The following PALM2AKAP2 variants were observed in gnomAD, a reference collection of about 807,000 sequenced individuals.
PALM2AKAP2 encodes the protein PALM2 and AKAP2 fusion.
In PALM2AKAP2, 37 loss-of-function variants were observed where a neutral mutation model predicts 71.5. The observed-to-expected ratio is 0.52, with a 90% CI of 0.40 to 0.68. The LOEUF (loss-of-function observed/expected upper bound fraction) is 0.68. Ranked by LOEUF, PALM2AKAP2 falls within the 30% of genes least tolerant of loss-of-function variation. PALM2AKAP2 has a pLI of 0.00. For synonymous variants in PALM2AKAP2, 468 were observed against 478.8 expected, an observed-to-expected ratio of 0.98 and a Z score of 0.29; for missense variants, 1,224 against 1,191.8, an observed-to-expected ratio of 1.03 and a Z score of -0.40.
chr9:109,741,276 GTGT>G (rs1828712403), intron 1 of PALM2AKAP2, among the ~76,000 whole-genome samples: 1 of 152,268 alleles, frequency 6.6e-6, no homozygotes, highest in Admixed American at 6.5e-5. Flanking sequence ...AGATTCACCT[GTGT>G]TGTTGCAAAT....
In PALM2AKAP2 at chr9:109,971,518, C is replaced by T. The variant is rs149932974; in HGVS notation, c.496+39490C>T. On this transcript the variant is annotated intron_variant, in intron 6 of 9. Transcript: ENST00000302798. The stretch of plus-strand genomic sequence containing the variant: ...TTGACTCACTGCAACCTCCCACTCC[C>T]GGCTTCAAGCGATTCTCCTGTCTCA... 3.9e-3 allele frequency among the ~76,000 whole-genome samples: 592 copies of T among 151,982 alleles called. 1 individual carries two copies. The highest frequency in any genetic ancestry group is 0.013 in the African/African-American group (552 of 41,444).
chr9:109,804,353 TTTAA>T (rs1827518015), intron 1 of PALM2AKAP2, among the ~76,000 whole-genome samples: 1 of 152,360 alleles, frequency 6.6e-6, no homozygotes, highest in Middle Eastern at 3.4e-3. Context: ...TTGGGGTTCA[TTTAA>T]TTAACTCTAA....
chr9:109,899,864 T>G (rs1830290675), intron 3 of PALM2AKAP2, among the ~76,000 whole-genome samples: 1 of 152,348 alleles, frequency 6.6e-6, no homozygotes, highest in East Asian at 1.9e-4. Context: ...AAACCCTGGT[T>G]TAATGTTTCC....
intron 1 of PALM2AKAP2, among the ~76,000 whole-genome samples, chr9:109,678,553 G>A (rs760472096): frequency 4.6e-5 from 7 of 152,156 alleles, no homozygotes; most frequent in African/African-American, 9.7e-5. Flanking sequence ...AGATAACAGC[G>A]TTGGGTTTCA....
At chr9:109,812,913 A>G (rs1587929390) in intron 1 of PALM2AKAP2, among the ~76,000 whole-genome samples, 1 of 152,320 alleles carries the variant, frequency 6.6e-6, no homozygotes, top group East Asian at 1.9e-4. Flanking sequence ...AGAGGTAGGG[A>G]AGTGCTTGGG....
At chr9:109,736,178 T>C (rs1828631971) in intron 1 of PALM2AKAP2, among the ~76,000 whole-genome samples, 1 of 152,200 alleles carries the variant, frequency 6.6e-6, no homozygotes. Context: ...TGTATATTTA[T>C]ATGTGGAAAA....
intron 3 of PALM2AKAP2, among the ~76,000 whole-genome samples, chr9:109,908,200 C>T (rs1211112919): frequency 6.6e-6 from 1 of 152,168 alleles, no homozygotes; most frequent in African/African-American, 2.4e-5. Context: ...TATGGAAAGA[C>T]CAAGCCAGGC....
chr9:109,880,710 T>C (rs1829828046), intron 3 of PALM2AKAP2, 29 bp downstream of exon 3: 4 of 1,611,294 alleles, frequency 2.5e-6, no homozygotes, highest in East Asian at 2.2e-5. Context: ...AGGGAACCCA[T>C]GCTACAGTTT....
At chr9:109,805,430 A>AT (rs35417438) in intron 1 of PALM2AKAP2, among the ~76,000 whole-genome samples, 26,968 of 152,138 alleles carry the variant, frequency 0.18, 2,797 homozygotes, top group East Asian at 0.35. Flanking sequence ...AGAGCAGTTG[A>AT]TTTTTTTCCC....
intron 5 of PALM2AKAP2, among the ~76,000 whole-genome samples, chr9:109,930,159 C>T (rs1831060591): frequency 6.6e-6 from 1 of 152,172 alleles, no homozygotes; most frequent in Non-Finnish European, 1.5e-5. Flanking sequence ...AGCCTCACTC[C>T]ACCCTAAGTC....
intron 3 of PALM2AKAP2, among the ~76,000 whole-genome samples, chr9:109,906,182 T>C (rs1012656709): frequency 6.6e-6 from 1 of 151,994 alleles, no homozygotes. Flanking sequence ...TCAATCTACT[T>C]CTGGTCATAG....
intron 7 of PALM2AKAP2, among the ~76,000 whole-genome samples, chr9:110,033,890 CT>C (rs1212484902): frequency 6.6e-6 from 1 of 152,112 alleles, no homozygotes; most frequent in African/African-American, 2.4e-5. Flanking sequence ...ATTCTGTGGC[CT>C]TTATAAGCAT....
chr9:109,966,504 C>T (rs1432615848), intron 6 of PALM2AKAP2, among the ~76,000 whole-genome samples: 2 of 152,218 alleles, frequency 1.3e-5, no homozygotes, highest in Non-Finnish European at 2.9e-5. Flanking sequence ...CCTGTTTCTT[C>T]CTCTATCACA....
At chr9:109,813,816 C>A (rs1318827597) in intron 1 of PALM2AKAP2, among the ~76,000 whole-genome samples, 1 of 152,190 alleles carries the variant, frequency 6.6e-6, no homozygotes, top group East Asian at 1.9e-4. Context: ...GAACCAGGAA[C>A]CCAACTCTAC....
intron 1 of PALM2AKAP2, among the ~76,000 whole-genome samples, chr9:110,092,461 C>CT (rs1322343191): frequency 6.6e-6 from 1 of 152,036 alleles, no homozygotes; most frequent in Non-Finnish European, 1.5e-5. Flanking sequence ...GTATTATATG[C>CT]TTTTTTAAAC....
chr9:109,721,693 C>T (rs773419907), intron 1 of PALM2AKAP2, among the ~76,000 whole-genome samples: 1 of 152,078 alleles, frequency 6.6e-6, no homozygotes. Flanking sequence ...ATGCATGAAG[C>T]CCCCCACACC....
At chr9:109,882,755 A>G (rs1318508706) in intron 3 of PALM2AKAP2, among the ~76,000 whole-genome samples, 1 of 151,820 alleles carries the variant, frequency 6.6e-6, no homozygotes, top group East Asian at 1.9e-4. Flanking sequence ...CTATCCTCCG[A>G]CCTCAGCCTC....
intron 6 of PALM2AKAP2, among the ~76,000 whole-genome samples, chr9:110,005,917 C>T (rs554436294): frequency 6.9e-4 from 105 of 152,230 alleles, no homozygotes; most frequent in Non-Finnish European, 1.2e-3. Flanking sequence ...TTCCAGGTAC[C>T]GTCTGTCACC....
intron 1 of PALM2AKAP2, among the ~76,000 whole-genome samples, chr9:110,077,985 G>C (rs1057149540): frequency 2.0e-5 from 3 of 150,514 alleles, no homozygotes; most frequent in Non-Finnish European, 4.4e-5. Context: ...CTGCACTCCA[G>C]CCTGGGTGAC....
Sources: gnomAD v4.1 joint callset for allele counts (sites outside exome capture counted in the v4.1 genomes callset) on GRCh38, gnomAD v4.1.1 for gene constraint, MANE v1.5 for transcripts, NCBI Gene and HGNC (gene_info 2026-07-23, HGNC 2026-07-21) for gene names.